The following AKAP19 variants were observed in gnomAD, a reference collection of about 807,000 sequenced individuals.
AKAP19 encodes small A-kinase anchoring protein.
the AKAP19 span, among the ~76,000 whole-genome samples, chr2:190,172,341 A>G: frequency 6.6e-6 from 1 of 152,212 alleles, no homozygotes; most frequent in African/African-American, 2.4e-5. Context: ...TTTTATAACT[A>G]TCTTATCTCT....
the AKAP19 span, among the ~76,000 whole-genome samples, chr2:190,133,003 A>G: frequency 1.1e-4 from 16 of 152,030 alleles, no homozygotes; most frequent in Admixed American, 1.3e-4. Context: ...TTGGGAGGCC[A>G]AGGTGGGCGG....
the AKAP19 span, among the ~76,000 whole-genome samples, chr2:189,973,067 C>G: frequency 6.6e-6 from 1 of 152,154 alleles, no homozygotes; most frequent in African/African-American, 2.4e-5. Flanking sequence ...TGCTAGTTTT[C>G]AAAGGGAATG....
At chr2:189,990,863 C>T in the AKAP19 span, among the ~76,000 whole-genome samples, 3 of 152,122 alleles carry the variant, frequency 2.0e-5, no homozygotes, top group Admixed American at 6.6e-5. Flanking sequence ...CACCATCCTT[C>T]CACCCTTTCT....
the AKAP19 span, among the ~76,000 whole-genome samples, chr2:190,089,808 T>G: frequency 2.6e-5 from 4 of 152,178 alleles, no homozygotes; most frequent in African/African-American, 9.6e-5. Flanking sequence ...TCTTACGTCC[T>G]AAGTCTTAGG....
chr2:189,968,986 C>T, the AKAP19 span, among the ~76,000 whole-genome samples: 2 of 151,926 alleles, frequency 1.3e-5, no homozygotes, highest in Non-Finnish European at 2.9e-5. Flanking sequence ...ATCCAAATAC[C>T]TGCAGAGTCA....
the AKAP19 span, among the ~76,000 whole-genome samples, chr2:190,040,773 TAGAG>T: frequency 6.6e-6 from 1 of 152,190 alleles, no homozygotes; most frequent in Non-Finnish European, 1.5e-5. Context: ...ATTTGTTAAA[TAGAG>T]AGTCTTTTCC....
chr2:190,164,057 C>T, the AKAP19 span: 1 of 152,178 alleles, frequency 6.6e-6, no homozygotes, highest in South Asian at 2.1e-4. Context: ...GTTTAGTGAA[C>T]CTGGTAACTT....
the AKAP19 span, chr2:190,180,881 G>T: frequency 5.1e-6 from 5 of 985,266 alleles, no homozygotes; most frequent in Non-Finnish European, 6.0e-6. This position sits in a 1 kb window ranked among gnomAD's most constrained non-coding sequence, Gnocchi z 6.8. Context: ...CCACTTGGCT[G>T]AGCCGGGCGC....
the AKAP19 span, among the ~76,000 whole-genome samples, chr2:189,890,385 T>C: frequency 6.6e-6 from 1 of 152,224 alleles, no homozygotes; most frequent in African/African-American, 2.4e-5. Context: ...CTGAGAAGAA[T>C]GTATATTCTG....
the AKAP19 span, chr2:190,201,607 CAA>C: frequency 6.0e-6 from 1 of 166,986 alleles, no homozygotes; most frequent in African/African-American, 2.4e-5. Context: ...TTGAAACCCA[CAA>C]TCAAATAGAG....
the AKAP19 span, among the ~76,000 whole-genome samples, chr2:189,932,863 T>C: frequency 2.0e-5 from 3 of 152,212 alleles, no homozygotes; most frequent in Non-Finnish European, 4.4e-5. Flanking sequence ...TAACATTTAA[T>C]TAAAAGCCAC....
At chr2:190,035,395 C>T in the AKAP19 span, among the ~76,000 whole-genome samples, 18 of 151,688 alleles carry the variant, frequency 1.2e-4, no homozygotes, top group African/African-American at 4.4e-4. Flanking sequence ...CGTGCCACTG[C>T]ACTCCAGCCT....
the AKAP19 span, among the ~76,000 whole-genome samples, chr2:190,160,188 C>G: frequency 6.6e-6 from 1 of 152,118 alleles, no homozygotes; most frequent in South Asian, 2.1e-4. Context: ...AATTAAGTTG[C>G]TTTGCAAACA....
At chr2:189,903,781 A>G in the AKAP19 span, among the ~76,000 whole-genome samples, 4 of 151,766 alleles carry the variant, frequency 2.6e-5, no homozygotes, top group African/African-American at 9.7e-5. Context: ...TTTCCAACCC[A>G]TGTTCCCCCA....
chr2:189,922,251 G>GT, the AKAP19 span, among the ~76,000 whole-genome samples: 1 of 152,328 alleles, frequency 6.6e-6, no homozygotes, highest in South Asian at 2.1e-4. Context: ...TGTAACTTTT[G>GT]TTAAAGTGTT....
chr2:189,957,697 C>G, the AKAP19 span, among the ~76,000 whole-genome samples: 2 of 152,136 alleles, frequency 1.3e-5, no homozygotes, highest in Non-Finnish European at 2.9e-5. Flanking sequence ...ATTTTGATAA[C>G]AGCTGTGAAA....
chr2:190,103,215 C>T, the AKAP19 span, among the ~76,000 whole-genome samples: 1 of 152,136 alleles, frequency 6.6e-6, no homozygotes, highest in Non-Finnish European at 1.5e-5. Context: ...CCATCTATGA[C>T]AAATGCACAG....
the AKAP19 span, among the ~76,000 whole-genome samples, chr2:190,157,692 TACATTAATGGAG>T: frequency 1.3e-5 from 2 of 152,162 alleles, no homozygotes; most frequent in Non-Finnish European, 2.9e-5. Context: ...GGGAAAAATT[TACATTAATGGAG>T]ACATAATAAT....
the AKAP19 span, among the ~76,000 whole-genome samples, chr2:190,082,286 C>T: frequency 6.6e-6 from 1 of 152,188 alleles, no homozygotes; most frequent in Admixed American, 6.5e-5. Flanking sequence ...TTTGGCCACC[C>T]CATTCAGCAT....
Sources: allele counts gnomAD v4.1 joint callset (sites outside exome capture counted in the v4.1 genomes callset), GRCh38; gene constraint gnomAD v4.1.1; non-coding constraint Gnocchi (gnomAD v3.1); transcripts MANE v1.5; gene names NCBI Gene and HGNC (gene_info 2026-07-23, HGNC 2026-07-21).